The following CMKLR2 variants were observed in gnomAD, a reference collection of about 807,000 sequenced individuals.
CMKLR2 encodes chemerin-like receptor 2.
In CMKLR2, 18 loss-of-function variants were observed where a neutral mutation model predicts 23.0. The observed-to-expected ratio is 0.78, with a 90% CI of 0.54 to 1.16. The LOEUF (loss-of-function observed/expected upper bound fraction) is 1.16, where lower values mean the gene tolerates loss of function less well. Among genes scored for constraint, CMKLR2 ranks in the 50% most tolerant of loss-of-function variants. The probability of loss-of-function intolerance (pLI) is 0.00; values close to 1 mark genes in which losing one functional copy is unlikely to be tolerated. For synonymous variants in CMKLR2, 158 were observed against 158.9 expected (o/e 0.99, Z 0.05); for missense variants, 401 against 412.7 (o/e 0.97, Z 0.25).
chr2:206,194,156 A>T (rs1688842261), intron 1 of CMKLR2, among the ~76,000 whole-genome samples: 1 of 152,176 alleles, frequency 6.6e-6, no homozygotes, highest in African/African-American at 2.4e-5. Context: ...GTAATACATG[A>T]ACTCAATGAA....
chr2:206,194,629 T>G (rs572607812), intron 1 of CMKLR2, among the ~76,000 whole-genome samples: 1 of 151,934 alleles, frequency 6.6e-6, no homozygotes, highest in East Asian at 1.9e-4. Flanking sequence ...AGAGACAGGG[T>G]TTCACCATGT....
intron 1 of CMKLR2, among the ~76,000 whole-genome samples, chr2:206,190,666 T>G (rs1232146955): frequency 2.6e-5 from 4 of 152,198 alleles, no homozygotes; most frequent in Non-Finnish European, 5.9e-5. Context: ...GAACTAATTT[T>G]AGGGATACAA....
chr2:206,214,776 A>G (rs1399433345), upstream of CMKLR2, among the ~76,000 whole-genome samples: 1 of 151,696 alleles, frequency 6.6e-6, no homozygotes, highest in Non-Finnish European at 1.5e-5. Flanking sequence ...GGCGCCCGCC[A>G]CCACGCCCGG....
chr2:206,200,253 A>G (rs763631124), intron 1 of CMKLR2, among the ~76,000 whole-genome samples: 5 of 151,988 alleles, frequency 3.3e-5, no homozygotes, highest in Non-Finnish European at 5.9e-5. Context: ...GTGAAACCCC[A>G]TCTCTACTAA....
At chr2:206,209,647 C>CTTTTTTTTT (rs71034424) in intron 1 of CMKLR2, among the ~76,000 whole-genome samples, 2 of 134,852 alleles carry the variant, frequency 1.5e-5, no homozygotes, top group African/African-American at 2.8e-5. Context: ...TCTTTTCTTT[C>CTTTTTTTTT]TTTTTTTTTT....
intron 1 of CMKLR2, among the ~76,000 whole-genome samples, chr2:206,211,848 T>TTA (rs10668964): frequency 2.0e-5 from 3 of 149,236 alleles, no homozygotes; most frequent in South Asian, 2.1e-4. Flanking sequence ...TTTTTTTTTT[T>TTA]AAGCTAGGGT....
At position 206,207,728 on chromosome 2, in the gene CMKLR2, CTTTTTTTTTTTTTTTT is replaced by C. The variant is rs71034423; in HGVS notation, c.-29+5563_-29+5578del. Among the ~76,000 whole-genome samples the C allele has an allele frequency of 2.5e-4, 11 of 43,576 alleles. 1 individual carries two copies. The highest frequency in any genetic ancestry group is 1.2e-3 in the East Asian group (1 of 836). The allele number at this position is 43,576 out of a possible 152,430, so 28.6% of individuals were successfully genotyped here. A position where few individuals can be genotyped will look rare whatever the true frequency, so the allele number is the denominator to read the frequency against. On this transcript the variant is annotated intron_variant, in intron 1 of 1. Coordinates refer to ENST00000621141, the MANE Select transcript of CMKLR2 (RefSeq NM_001389445.1). Reference sequence around the variant, plus strand: ...ATCTGGGTCTGTCTGACCTCAGGGCCTTTTTTTTTTTTTTTTTTTTTTTTTTTTTTTGAGATGGAGT... The same window carrying C: ...ATCTGGGTCTGTCTGACCTCAGGGCCTTTTTTTTTTTTTTTGAGATGGAGT...
chr2:206,192,904 A>G (rs1422996274), intron 1 of CMKLR2, among the ~76,000 whole-genome samples: 1 of 152,222 alleles, frequency 6.6e-6, no homozygotes, highest in African/African-American at 2.4e-5. Context: ...TATGCACATC[A>G]TTCCATATAC....
At chr2:206,194,854 C>T (rs185561603) in intron 1 of CMKLR2, among the ~76,000 whole-genome samples, 9 of 147,810 alleles carry the variant, frequency 6.1e-5, no homozygotes, top group Non-Finnish European at 8.9e-5. Context: ...CCCAGGTTCA[C>T]GCCGTTCTCC....
At position 206,176,892 on chromosome 2, in the gene CMKLR2, A is replaced by G. The variant is rs750162244; in HGVS notation, c.356T>C (p.Leu119Ser). 4 of 1,614,224 alleles carry G rather than the reference A, an allele frequency of 2.5e-6. No individual in the cohort carries two copies. The highest frequency in any genetic ancestry group is 2.5e-6 in the Non-Finnish European group (3 of 1,180,034). The change falls in exon 2 of 2, where the codon TTG (leucine) becomes TCG (serine). Residue 119 changes from leucine (L) to serine (S), a missense_variant. Coordinates refer to ENST00000621141, the MANE Select transcript of CMKLR2 (RefSeq NM_001389445.1). ...GAAAAAAACACTGGCAAACATGTTC[A>G]ACTGGGCAGTGAAGGAATTGGCTTT... ...LCKANSFTAQ[L>S]NMFASVFFLT...
At chr2:206,181,151 A>G (rs977434639) in intron 1 of CMKLR2, among the ~76,000 whole-genome samples, 6 of 150,520 alleles carry the variant, frequency 4.0e-5, no homozygotes, top group Admixed American at 4.0e-4. Flanking sequence ...TCTGCCTCCT[A>G]GGTTCAAGTG....
intron 1 of CMKLR2, among the ~76,000 whole-genome samples, chr2:206,209,659 T>C (rs1045882718): frequency 2.7e-5 from 4 of 150,730 alleles, no homozygotes; most frequent in Non-Finnish European, 5.9e-5. Context: ...TTTTTTTTTT[T>C]TTTTTTTGAG....
intron 1 of CMKLR2, among the ~76,000 whole-genome samples, chr2:206,195,859 C>T (rs1216986576): frequency 6.6e-6 from 1 of 151,872 alleles, no homozygotes; most frequent in African/African-American, 2.4e-5. Context: ...GAGGCTGAGG[C>T]AGAAGAATCC....
rs1053473910 is a variant in CMKLR2, at chr2:206,194,813, G to T, written c.-28-17538C>A. On this transcript the variant is annotated intron_variant, in intron 1 of 1. Coordinates refer to ENST00000621141, the MANE Select transcript of CMKLR2 (RefSeq NM_001389445.1). The stretch of plus-strand genomic sequence containing the variant: ...CTATCGCCCAGGCTGAAGTGCAGTG[G>T]CACAATCTCGGCTCACTGCAAGCTC... Among the ~76,000 whole-genome samples the T allele has an allele frequency of 3.9e-4, 56 of 145,398 alleles. 1 individual carries two copies. Among genetic ancestry groups the T allele is most frequent in the Non-Finnish European group, 8.1e-4 (54 of 67,042 alleles).
chr2:206,189,057 C>T (rs1299693131), intron 1 of CMKLR2, among the ~76,000 whole-genome samples: 5 of 152,056 alleles, frequency 3.3e-5, no homozygotes, highest in African/African-American at 9.7e-5. Flanking sequence ...GAACATTTGG[C>T]GAATGAAGAG....
intron 1 of CMKLR2, among the ~76,000 whole-genome samples, chr2:206,188,433 A>G (rs1450897203): frequency 6.6e-6 from 1 of 152,216 alleles, no homozygotes; most frequent in African/African-American, 2.4e-5. Context: ...CTTAAACCAT[A>G]TGTGCTGCTG....
intron 1 of CMKLR2, among the ~76,000 whole-genome samples, chr2:206,198,230 G>A (rs2105823870): frequency 6.6e-6 from 1 of 152,188 alleles, no homozygotes; most frequent in South Asian, 2.1e-4. Flanking sequence ...TCCTAGTTCT[G>A]ACCTGCCGTA....
chr2:206,176,331 A>G lies in CMKLR2; in HGVS notation c.917T>C (p.Leu306Pro). 5.0e-6 allele frequency: 8 copies of G among 1,614,186 alleles called. No individual in the cohort carries two copies. The highest frequency in any genetic ancestry group is 6.8e-6 in the Non-Finnish European group (8 of 1,180,032). Reference sequence around the variant, plus strand: ...GCGAGCTTGGAACTTCTTACTAATTAGGACATAAAGGATGGGGTTCAAGCA... The same window carrying G: ...GCGAGCTTGGAACTTCTTACTAATTGGGACATAAAGGATGGGGTTCAAGCA... The part of the protein sequence containing the change: ...NSCLNPILYV[L>P]ISKKFQARFR... Residue 306 changes from leucine (L) to proline (P), a missense_variant, in exon 2 of 2, where the codon CTA becomes CCA. By Grantham distance (98) the Leu-to-Pro change is moderately conservative. Transcript: ENST00000621141.
At chr2:206,214,941 T>G (rs896569559), upstream of CMKLR2, among the ~76,000 whole-genome samples, 1 of 152,106 alleles carries the variant, frequency 6.6e-6, no homozygotes, top group Admixed American at 6.6e-5. Context: ...TTTATTTTTG[T>G]ATGGTCTAAC....
Sources: gnomAD v4.1 joint callset for allele counts (sites outside exome capture counted in the v4.1 genomes callset) on GRCh38, gnomAD v4.1.1 for gene constraint, MANE v1.5 for transcripts, NCBI Gene and HGNC (gene_info 2026-07-23, HGNC 2026-07-21) for gene names.